LRRC1: variants seen among roughly 807,000 people sequenced by gnomAD.
LRRC1 encodes the protein leucine-rich repeat-containing protein 1.
A neutral mutation model predicts 69.9 loss-of-function variants in LRRC1; 28 were observed. The observed-to-expected ratio is 0.40, with a 90% CI of 0.30 to 0.55. The LOEUF (loss-of-function observed/expected upper bound fraction) is 0.55. Ranked by LOEUF, LRRC1 falls within the 20% of genes least tolerant of loss-of-function variation. LRRC1 has a pLI of 0.47. For missense variants in LRRC1, 498 were observed against 609.0 expected (o/e 0.82, Z 1.92); for synonymous variants, 236 against 240.2 (o/e 0.98, Z 0.16).
intron 1 of LRRC1, among the ~76,000 whole-genome samples, chr6:53,832,864 G>C (rs1313524311): frequency 6.6e-6 from 1 of 151,974 alleles, no homozygotes; most frequent in Non-Finnish European, 1.5e-5. Context: ...TAATAAAATA[G>C]GACTTATACT....
At chr6:53,906,668 AT>A (rs1768248328) in intron 10 of LRRC1, among the ~76,000 whole-genome samples, 1 of 152,224 alleles carries the variant, frequency 6.6e-6, no homozygotes, top group Non-Finnish European at 1.5e-5. Context: ...TGTTCACTAA[AT>A]TTACTAGAAC....
chr6:53,825,527 T>A (rs1156239526), intron 1 of LRRC1, among the ~76,000 whole-genome samples: 1 of 152,176 alleles, frequency 6.6e-6, no homozygotes, highest in Non-Finnish European at 1.5e-5. Flanking sequence ...TTATAAACAT[T>A]ATAAGTGTGC....
chr6:53,878,547 A>G (rs989814676), intron 2 of LRRC1, among the ~76,000 whole-genome samples: 48 of 152,178 alleles, frequency 3.2e-4, no homozygotes, highest in African/African-American at 1.1e-3. Context: ...TCATGCTCTT[A>G]TGAGAATCTA....
At chr6:53,812,486 CG>C (rs1421441160) in intron 1 of LRRC1, among the ~76,000 whole-genome samples, 1 of 150,024 alleles carries the variant, frequency 6.7e-6, no homozygotes, top group Non-Finnish European at 1.5e-5. Context: ...GTCAGGAGAT[CG>C]AGACCATCCT....
chr6:53,848,496 T>C (rs1019802713), intron 2 of LRRC1, among the ~76,000 whole-genome samples: 1 of 152,198 alleles, frequency 6.6e-6, no homozygotes, highest in Non-Finnish European at 1.5e-5. Flanking sequence ...ACTTTACACA[T>C]ATGTCTCTTT....
intron 2 of LRRC1, among the ~76,000 whole-genome samples, chr6:53,865,337 T>G (rs1766666714): frequency 6.6e-6 from 1 of 152,092 alleles, no homozygotes; most frequent in South Asian, 2.1e-4. Flanking sequence ...GTAGGTCACA[T>G]CTTATATATT....
At chr6:53,834,432 C>G (rs1302939193) in intron 1 of LRRC1, among the ~76,000 whole-genome samples, 1 of 152,144 alleles carries the variant, frequency 6.6e-6, no homozygotes. Flanking sequence ...CTTACCCTCC[C>G]GCCTCCACCT....
At position 53,795,543 on chromosome 6, in the gene LRRC1, C is replaced by T. The variant is rs1030580284; in HGVS notation, c.159+128C>T. ...GAACCTTCCCTCTTTTATGCATTCACCTGCTTCTTTCTCCCCCTGTCTCTT... is the reference window on the plus strand; with the variant it reads ...GAACCTTCCCTCTTTTATGCATTCATCTGCTTCTTTCTCCCCCTGTCTCTT... On this transcript the variant is annotated intron_variant, in intron 1 of 13. Transcript: ENST00000370888. 75 of 843,930 alleles carry T rather than the reference C, an allele frequency of 8.9e-5. 2 individuals carry two copies. Among genetic ancestry groups the T allele is most frequent in the African/African-American group, 1.7e-5 (1 of 58,068 alleles). The allele number at this position is 843,930 out of a possible 1,614,324, so 52.3% of individuals were successfully genotyped here. A position where few individuals can be genotyped will look rare whatever the true frequency, so the allele number is the denominator to read the frequency against.
chr6:53,865,040 G>A (rs1328565900), intron 2 of LRRC1, among the ~76,000 whole-genome samples: 1 of 152,104 alleles, frequency 6.6e-6, no homozygotes, highest in Non-Finnish European at 1.5e-5. Context: ...GAGCACAGGC[G>A]CCAGCTCAGC....
At chr6:53,874,110 A>G (rs1429049908) in intron 2 of LRRC1, among the ~76,000 whole-genome samples, 1 of 152,234 alleles carries the variant, frequency 6.6e-6, no homozygotes, top group Admixed American at 6.5e-5. Flanking sequence ...AAGCATGGCA[A>G]TGCCATGACT....
chr6:53,862,833 T>C (rs1161847893), intron 2 of LRRC1, among the ~76,000 whole-genome samples: 1 of 152,198 alleles, frequency 6.6e-6, no homozygotes, highest in Non-Finnish European at 1.5e-5. Context: ...TTAACATTTT[T>C]TTCCCCCTGC....
intron 1 of LRRC1, among the ~76,000 whole-genome samples, chr6:53,833,308 G>A (rs142473433): frequency 1.3e-5 from 2 of 152,174 alleles, no homozygotes; most frequent in Non-Finnish European, 2.9e-5. Context: ...AACATGCCTG[G>A]TTTCTTGGTT....
intron 4 of LRRC1, among the ~76,000 whole-genome samples, chr6:53,891,334 T>C (rs1767672786): frequency 6.6e-6 from 1 of 151,932 alleles, no homozygotes; most frequent in African/African-American, 2.4e-5. Context: ...GAAATTAAAA[T>C]TGAAGGATGA....
At chr6:53,876,700 A>G (rs1398793620) in intron 2 of LRRC1, among the ~76,000 whole-genome samples, 1 of 152,130 alleles carries the variant, frequency 6.6e-6, no homozygotes, top group Non-Finnish European at 1.5e-5. Flanking sequence ...CTCCAAAATG[A>G]TCTCCTTTGA....
At chr6:53,840,885 T>TGC (rs1765761042) in intron 1 of LRRC1, among the ~76,000 whole-genome samples, 1 of 33,772 alleles carries the variant, frequency 3.0e-5, no homozygotes, top group Non-Finnish European at 5.6e-5. Context: ...GGTATGTGTT[T>TGC]GTGTGTGTGT....
intron 1 of LRRC1, among the ~76,000 whole-genome samples, chr6:53,817,117 C>T (rs752350187): frequency 8.6e-5 from 13 of 152,032 alleles, no homozygotes; most frequent in African/African-American, 1.2e-4. Context: ...AATTTCAATC[C>T]GAGACACTTG....
At chr6:53,876,578 A>G (rs1371301357) in intron 2 of LRRC1, among the ~76,000 whole-genome samples, 2 of 152,244 alleles carry the variant, frequency 1.3e-5, no homozygotes, top group Non-Finnish European at 2.9e-5. Context: ...ATACAATGGC[A>G]GTGCAGGCAT....
chr6:53,854,442 A>G (rs1266108931), intron 2 of LRRC1, among the ~76,000 whole-genome samples: 1 of 152,244 alleles, frequency 6.6e-6, no homozygotes, highest in Non-Finnish European at 1.5e-5. Flanking sequence ...GAACTGTGTG[A>G]ATCCTTCTCA....
rs115696390 is a variant in LRRC1, at chr6:53,826,129, C to T, written c.160-15981C>T. 2.1e-3 allele frequency among the ~76,000 whole-genome samples: 321 copies of T among 151,196 alleles called. 2 individuals carry two copies. Among genetic ancestry groups the T allele is most frequent in the African/African-American group, 7.4e-3 (307 of 41,214 alleles). On this transcript the variant is annotated intron_variant, in intron 1 of 13. Coordinates refer to ENST00000370888, the MANE Select transcript of LRRC1 (RefSeq NM_018214.5). ...CCTTTTGCTAGGGCTGCCACCTACTCCTGCCAGCCCCCTGCCTACGTGTGG... is the reference window on the plus strand; with the variant it reads ...CCTTTTGCTAGGGCTGCCACCTACTTCTGCCAGCCCCCTGCCTACGTGTGG...
Sources: gnomAD v4.1 joint callset for allele counts (sites outside exome capture counted in the v4.1 genomes callset) on GRCh38, gnomAD v4.1.1 for gene constraint, MANE v1.5 for transcripts, NCBI Gene and HGNC (gene_info 2026-07-23, HGNC 2026-07-21) for gene names.